The following NNT variants were observed in gnomAD, a reference collection of about 807,000 sequenced individuals.
NNT encodes NAD(P) transhydrogenase, mitochondrial.
A neutral mutation model predicts 104.8 loss-of-function variants in NNT; 50 were observed. The ratio of observed to expected loss-of-function variants is 0.48; its 90% CI spans 0.38 to 0.60. NNT has a LOEUF of 0.60. NNT is among the 20% of genes least tolerant of loss of function. The pLI is 0.00. For synonymous variants in NNT, 461 were observed against 490.4 expected (o/e 0.94, Z 0.79); for missense variants, 1,131 against 1,330.7 (o/e 0.85, Z 2.33).
chr5:43,614,897 G>A (rs1749694385), intron 3 of NNT, among the ~76,000 whole-genome samples: 1 of 152,126 alleles, frequency 6.6e-6, no homozygotes, highest in South Asian at 2.1e-4. Flanking sequence ...CAGCACTTTG[G>A]GAGGCCGAGG....
chr5:43,667,640 G>A (rs1740785102), intron 17 of NNT, among the ~76,000 whole-genome samples: 2 of 152,152 alleles, frequency 1.3e-5, no homozygotes, highest in African/African-American at 4.8e-5. Context: ...GTGTATATGT[G>A]CCACATTTTC....
intron 7 of NNT, among the ~76,000 whole-genome samples, chr5:43,628,616 T>C (rs578247587): frequency 6.6e-6 from 1 of 152,270 alleles, no homozygotes; most frequent in African/African-American, 2.4e-5. Context: ...GATGAAGTCT[T>C]GCTCTTGTTG....
chr5:43,706,298 AAAC>A lies in NNT; in HGVS notation c.*1900_*1902del, dbSNP rs1487050199. On this transcript the variant is annotated 3_prime_UTR_variant, in exon 22 of 22. Transcript: ENST00000344920. ...ATTATAAATTATGGCAAAAATCTAA[AAAC>A]AACAAAAATGATTTTTATACATTCT... The A allele has an allele frequency of 2.0e-5, 3 of 151,892 alleles. No homozygotes were observed. The East Asian group carries it at 5.8e-4, about 29-fold the overall frequency. 9.4% of individuals were successfully genotyped at this position (151,892 alleles called of 1,614,324 possible). A position where few individuals can be genotyped will look rare whatever the true frequency, so the allele number is the denominator to read the frequency against.
intron 12 of NNT, among the ~76,000 whole-genome samples, chr5:43,650,849 GT>G (rs1425942076): frequency 6.6e-6 from 1 of 152,198 alleles, no homozygotes; most frequent in Admixed American, 6.5e-5. Context: ...TGAATGCATA[GT>G]TTTGAAGTTG....
At chr5:43,667,234 T>A (rs1271172594) in intron 17 of NNT, 3 of 1,006,086 alleles carry the variant, frequency 3.0e-6, no homozygotes, top group Non-Finnish European at 4.7e-6. Context: ...CTTGGCCATG[T>A]CTGCACCTTA....
chr5:43,662,969 T>C (rs1740450832), intron 17 of NNT, among the ~76,000 whole-genome samples: 1 of 151,524 alleles, frequency 6.6e-6, no homozygotes, highest in Non-Finnish European at 1.5e-5. Context: ...AAAGGATAAA[T>C]AAAAAAATAA....
rs772716055 is a variant in NNT, at chr5:43,656,715, G to C, written c.2356G>C (p.Ala786Pro). The change falls in exon 16 of 22, where the codon GCT (alanine) becomes CCT (proline). Residue 786 changes from alanine to proline, a missense_variant. Coordinates refer to ENST00000344920, the MANE Select transcript of NNT (RefSeq NM_182977.3). Reference sequence around the variant, plus strand: ...GCACTTACTCAATGCAGGCTTACTGGCTGCTAGTGTGGGCGGGATAATCCC... The same window carrying C: ...GCACTTACTCAATGCAGGCTTACTGCCTGCTAGTGTGGGCGGGATAATCCC... The part of the protein sequence containing the change: ...GRHLLNAGLL[A>P]ASVGGIIPFM... 6 of 1,614,038 alleles carry C rather than the reference G, an allele frequency of 3.7e-6. No homozygotes were observed.
At chr5:43,634,544 T>G (rs1750837890) in intron 7 of NNT, among the ~76,000 whole-genome samples, 1 of 152,186 alleles carries the variant, frequency 6.6e-6, no homozygotes, top group Admixed American at 6.5e-5. Context: ...TATATTACTT[T>G]TTTTGTTATC....
intron 7 of NNT, among the ~76,000 whole-genome samples, chr5:43,633,499 A>G (rs981580532): frequency 4.6e-5 from 7 of 152,022 alleles, no homozygotes; most frequent in Non-Finnish European, 1.0e-4. Context: ...CATCCTCCAT[A>G]GTTTCTATTG....
At chr5:43,615,592 C>G (rs1007425645) in intron 3 of NNT, among the ~76,000 whole-genome samples, 1 of 152,164 alleles carries the variant, frequency 6.6e-6, no homozygotes, top group African/African-American at 2.4e-5. Context: ...AATTGTCAAA[C>G]CAGTCTCAGT....
At chr5:43,666,584 G>A (rs1350060915) in intron 17 of NNT, among the ~76,000 whole-genome samples, 2 of 151,310 alleles carry the variant, frequency 1.3e-5, no homozygotes, top group African/African-American at 4.9e-5. Flanking sequence ...AGACCGAGCA[G>A]AGAGGGAGGG....
rs553628302 is a variant in NNT, at chr5:43,659,949, CT to C, written c.2634+601del. 4.6e-5 allele frequency among the ~76,000 whole-genome samples: 7 copies of C among 152,182 alleles called. No homozygotes were observed. The East Asian group carries it at 1.2e-3, about 25-fold the overall frequency. On this transcript the variant is annotated intron_variant, in intron 17 of 21. Coordinates refer to ENST00000344920, the MANE Select transcript of NNT (RefSeq NM_182977.3). ...TATGTATGGCATATCTGTGTATTTA[CT>C]TGTCTGATCGTGTTGTATATTGTCC...
At chr5:43,689,874 G>C (rs1473987737) in intron 19 of NNT, among the ~76,000 whole-genome samples, 1 of 152,080 alleles carries the variant, frequency 6.6e-6, no homozygotes, top group Admixed American at 6.5e-5. Context: ...AAAATGCTTT[G>C]AGTGTTTCAG....
Position 43,645,959 on chromosome 5 carries a change from C to T in NNT, c.1444+449C>T, listed in dbSNP as rs1340467217. Among the ~76,000 whole-genome samples, 5 of 151,618 alleles carry T rather than the reference C, an allele frequency of 3.3e-5. No individual in the cohort carries two copies. The East Asian group carries it at 5.8e-4, about 18-fold the overall frequency. ...CGATCTCCTGACCTCGTGATCTGCC[C>T]GCCTCAGCCTCCCAAAGTGCTGAGA... On this transcript the variant is annotated intron_variant, in intron 10 of 21. Coordinates refer to ENST00000344920, the MANE Select transcript of NNT (RefSeq NM_182977.3).
chr5:43,675,414 T>C (rs967225304), intron 17 of NNT, 97 bp from the exon 18 acceptor site: 64 of 1,128,608 alleles, frequency 5.7e-5, no homozygotes, highest in African/African-American at 8.0e-5. Context: ...CAAATAAACC[T>C]TTTAAAATGA....
chr5:43,644,114 G>A, intron 7 of NNT, 78 bp from the exon 8 acceptor site: 6 of 1,337,878 alleles, frequency 4.5e-6, no homozygotes, highest in Non-Finnish European at 6.2e-6. Flanking sequence ...TGAATGCCCA[G>A]AGACTACTGT....
At chr5:43,645,209 T>TA in intron 9 of NNT, 148 bp from the exon 10 acceptor site, 1 of 417,858 alleles carries the variant, frequency 2.4e-6, no homozygotes, top group Non-Finnish European at 4.1e-6. Context: ...CATATTTATG[T>TA]AAAATGATGT....
At chr5:43,665,838 G>A (rs1740626786) in intron 17 of NNT, among the ~76,000 whole-genome samples, 1 of 150,042 alleles carries the variant, frequency 6.7e-6, no homozygotes, top group Non-Finnish European at 1.5e-5. Context: ...GGACGGGGTG[G>A]CTGGCCGGGC....
chr5:43,651,695 G>A (rs1468293629), intron 12 of NNT, 44 bp from the exon 13 acceptor site: 4 of 1,606,174 alleles, frequency 2.5e-6, no homozygotes, highest in Middle Eastern at 1.7e-4. Context: ...TGCTCAGTGA[G>A]CTCAAAGAGG....
Sources: allele counts gnomAD v4.1 joint callset (sites outside exome capture counted in the v4.1 genomes callset), GRCh38; gene constraint gnomAD v4.1.1; transcripts MANE v1.5; gene names NCBI Gene and HGNC (gene_info 2026-07-23, HGNC 2026-07-21).